The following DSCAM variants were observed in gnomAD, a reference collection of about 807,000 sequenced individuals.
DSCAM encodes the protein cell adhesion molecule DSCAM.
A neutral mutation model predicts 217.7 loss-of-function variants in DSCAM; 47 were observed. That is an observed-to-expected ratio of 0.22 (90% CI 0.17 to 0.28). The LOEUF (loss-of-function observed/expected upper bound fraction) is 0.28. Among genes scored for constraint, DSCAM ranks in the 10% least tolerant of loss-of-function variants. The pLI, the probability that DSCAM is intolerant of heterozygous loss-of-function variation, is 1.00. For missense variants in DSCAM, 2,080 were observed against 2,618.3 expected (o/e 0.79, Z 4.49); for synonymous variants, 1,056 against 1,015.3 (o/e 1.04, Z -0.76).
chr21:40,493,420 T>C (rs1219598784), intron 3 of DSCAM, among the ~76,000 whole-genome samples: 3 of 152,192 alleles, frequency 2.0e-5, no homozygotes, highest in Non-Finnish European at 4.4e-5. Flanking sequence ...ATGGTCAAAT[T>C]AAGTATACTC....
At chr21:40,524,025 GTGAGCTTGATT>G (rs1371090626) in intron 3 of DSCAM, among the ~76,000 whole-genome samples, 1 of 152,208 alleles carries the variant, frequency 6.6e-6, no homozygotes, top group African/African-American at 2.4e-5. Flanking sequence ...GAGTGAATGT[GTGAGCTTGATT>G]TGATGAAAGA....
chr21:40,348,421 G>A (rs895028045), intron 5 of DSCAM, among the ~76,000 whole-genome samples: 4 of 151,942 alleles, frequency 2.6e-5, no homozygotes, highest in African/African-American at 9.7e-5. Context: ...GTTCCTATCA[G>A]CCACATTATT....
chr21:40,220,308 C>T (rs1254600892), intron 11 of DSCAM, among the ~76,000 whole-genome samples: 1 of 152,122 alleles, frequency 6.6e-6, no homozygotes, highest in Non-Finnish European at 1.5e-5. Context: ...CCAAGTCAAG[C>T]ATTAGAAGAG....
chr21:40,406,550 G>A (rs2075281270), intron 3 of DSCAM, among the ~76,000 whole-genome samples: 1 of 152,150 alleles, frequency 6.6e-6, no homozygotes, highest in Non-Finnish European at 1.5e-5. Flanking sequence ...GGCACGGAAA[G>A]ACAAATACCA....
At chr21:40,385,799 T>C (rs1206700601) in intron 3 of DSCAM, among the ~76,000 whole-genome samples, 1 of 152,070 alleles carries the variant, frequency 6.6e-6, no homozygotes, top group East Asian at 1.9e-4. Context: ...ATATATATTT[T>C]TTTAAGAAGA....
chr21:40,626,123 G>A (rs1386312428), intron 3 of DSCAM, among the ~76,000 whole-genome samples: 18 of 152,046 alleles, frequency 1.2e-4, no homozygotes, highest in Admixed American at 1.2e-3. Flanking sequence ...CTGATTTTTA[G>A]GAGGGAAGGC....
At chr21:40,261,589 C>A (rs2073450810) in intron 11 of DSCAM, among the ~76,000 whole-genome samples, 2 of 151,532 alleles carry the variant, frequency 1.3e-5, no homozygotes, top group Non-Finnish European at 2.9e-5. Context: ...TTTCCTGGGA[C>A]TTCTTAGCAT....
chr21:40,281,064 A>G (rs1015526082), intron 10 of DSCAM, among the ~76,000 whole-genome samples: 11 of 152,236 alleles, frequency 7.2e-5, no homozygotes, highest in African/African-American at 2.7e-4. Context: ...ATGGTGAACC[A>G]GAGGTCTCAG....
chr21:40,361,335 T>C (rs1438233277), intron 4 of DSCAM, among the ~76,000 whole-genome samples: 4 of 152,066 alleles, frequency 2.6e-5, no homozygotes, highest in Non-Finnish European at 4.4e-5. Context: ...AAAGGGAAAC[T>C]ATAGGCTGGG....
chr21:40,502,740 C>A (rs375729398), intron 3 of DSCAM, among the ~76,000 whole-genome samples: 148 of 152,246 alleles, frequency 9.7e-4, no homozygotes, highest in African/African-American at 3.3e-3. Flanking sequence ...TCAAGGACAG[C>A]TGAGTAGCAA....
At chr21:40,683,576 C>T (rs1352413615) in intron 3 of DSCAM, among the ~76,000 whole-genome samples, 1 of 152,114 alleles carries the variant, frequency 6.6e-6, no homozygotes, top group Non-Finnish European at 1.5e-5. Context: ...TAAAGAGAAG[C>T]TGTCTGAAGC....
intron 32 of DSCAM, among the ~76,000 whole-genome samples, chr21:40,019,763 T>C (rs903078484): frequency 2.6e-5 from 4 of 152,200 alleles, no homozygotes; most frequent in Non-Finnish European, 5.9e-5. Context: ...ATCATTGCCA[T>C]AAACACTGGC....
At chr21:40,197,518 T>C (rs1004549194) in intron 11 of DSCAM, among the ~76,000 whole-genome samples, 1 of 152,034 alleles carries the variant, frequency 6.6e-6, no homozygotes, top group Admixed American at 6.5e-5. Context: ...TAATGCAAAG[T>C]TCTATTTTAT....
chr21:40,167,692 A>G (rs2090612471), intron 15 of DSCAM, among the ~76,000 whole-genome samples: 1 of 152,172 alleles, frequency 6.6e-6, no homozygotes, highest in African/African-American at 2.4e-5. Context: ...GGGGTTTCTC[A>G]ATTGATTAGA....
Position 40,247,713 on chromosome 21 carries a change from C to A in DSCAM, c.2356+28384G>T, listed in dbSNP as rs1190372690. 4.6e-5 allele frequency among the ~76,000 whole-genome samples: 7 copies of A among 152,208 alleles called. No homozygotes were observed. The East Asian group carries it at 1.3e-3, about 29-fold the overall frequency. ...GACTTTTGTAGGCACATGATGCAAACTGTCAGTGGATCTACCATTCTGGGG... is the reference window on the plus strand; with the variant it reads ...GACTTTTGTAGGCACATGATGCAAAATGTCAGTGGATCTACCATTCTGGGG... On this transcript the variant is annotated intron_variant, in intron 11 of 32. Transcript: ENST00000400454.
chr21:40,794,521 C>T (rs2837825), intron 1 of DSCAM, among the ~76,000 whole-genome samples: 67,800 of 149,890 alleles, frequency 0.45, 17,116 homozygotes, highest in South Asian at 0.65. Context: ...GAGTAAAGCA[C>T]GCCTGTTCTT....
At chr21:40,019,924 C>G (rs973405537) in intron 32 of DSCAM, among the ~76,000 whole-genome samples, 8 of 152,210 alleles carry the variant, frequency 5.3e-5, no homozygotes, top group Non-Finnish European at 8.8e-5. Context: ...TTCCCCCCTT[C>G]CCCTTCTCCC....
chr21:40,069,306 T>G (rs1601295218), intron 27 of DSCAM, among the ~76,000 whole-genome samples: 1 of 152,232 alleles, frequency 6.6e-6, no homozygotes, highest in Non-Finnish European at 1.5e-5. Context: ...TCTGGTTGGA[T>G]GAGGAGGCTC....
intron 10 of DSCAM, among the ~76,000 whole-genome samples, chr21:40,287,917 T>C (rs1338904503): frequency 1.3e-5 from 2 of 151,946 alleles, no homozygotes; most frequent in African/African-American, 4.8e-5. Flanking sequence ...AAATATGGAA[T>C]TGGGGAAACT....
Sources: gnomAD v4.1 joint callset for allele counts (sites outside exome capture counted in the v4.1 genomes callset) on GRCh38, gnomAD v4.1.1 for gene constraint, MANE v1.5 for transcripts, NCBI Gene and HGNC (gene_info 2026-07-23, HGNC 2026-07-21) for gene names.